GGT5: variants seen among roughly 807,000 people sequenced by gnomAD.
The protein encoded by GGT5 is glutathione hydrolase 5 proenzyme.
Under a neutral mutation model 58.1 loss-of-function variants are expected in GGT5, and 50 were observed. The ratio of observed to expected loss-of-function variants is 0.86; its 90% CI spans 0.69 to 1.09. The LOEUF is 1.09. Ranked by LOEUF, GGT5 falls within the 50% of genes least tolerant of loss-of-function variation. The pLI, the probability that GGT5 is intolerant of heterozygous loss-of-function variation, is 0.00. For synonymous variants in GGT5, 370 were observed against 346.1 expected, an observed-to-expected ratio of 1.07 and a Z score of -0.77; for missense variants, 800 against 789.4, an observed-to-expected ratio of 1.01 and a Z score of -0.16.
intron 2 of GGT5, 111 bp from the exon 3 acceptor site, chr22:24,233,704 A>G (rs1420183980): frequency 8.1e-6 from 7 of 863,984 alleles, no homozygotes; most frequent in Non-Finnish European, 1.3e-5. Flanking sequence ...GGGCTAACAC[A>G]GGGACAGGAG....
At chr22:24,228,063 AAAACAAAAC>A (rs764759753) in intron 6 of GGT5, among the ~76,000 whole-genome samples, 11,443 of 110,204 alleles carry the variant, frequency 0.1, 1,517 homozygotes, top group Non-Finnish European at 0.15. Context: ...AAAAAAAAAA[AAAACAAAAC>A]AAAAAAAAAA....
intron 1 of GGT5, among the ~76,000 whole-genome samples, chr22:24,235,026 C>T (rs1321187512): frequency 6.6e-6 from 1 of 150,502 alleles, no homozygotes; most frequent in Non-Finnish European, 1.5e-5. Flanking sequence ...GGAATCCTTC[C>T]TCCCCAGCAC....
rs1397197856 is a variant in GGT5, at chr22:24,225,048, A to G, written c.1562T>C (p.Ile521Thr). Residue 521 changes from isoleucine to threonine, a missense_variant, in exon 11 of 12, where the codon ATC becomes ACC. By Grantham distance (89) the Ile-to-Thr change is moderately conservative (BLOSUM62 -1). Coordinates refer to ENST00000327365, the MANE Select transcript of GGT5 (RefSeq NM_004121.5). ...ACAGCCCTTGCTGTTGACATGCAGG[A>G]TGGGGGCTGCAATGGCCGCTCTCAG... ...FDLRAAIAAP[I>T]LHVNSKGCVE... is the part of the protein sequence containing the mutation. 2.5e-6 allele frequency: 4 copies of G among 1,602,118 alleles called. No homozygotes were observed. Among genetic ancestry groups the G allele is most frequent in the Non-Finnish European group, 3.4e-6 (4 of 1,174,384 alleles).
intron 1 of GGT5, among the ~76,000 whole-genome samples, chr22:24,239,881 A>G (rs1351362955): frequency 6.6e-6 from 1 of 151,676 alleles, no homozygotes; most frequent in Non-Finnish European, 1.5e-5. Context: ...GAGGAGTTCA[A>G]GACCAGCCTG....
At chr22:24,231,339 T>C in intron 6 of GGT5, 45 bp downstream of exon 6, 3 of 949,798 alleles carry the variant, frequency 3.2e-6, no homozygotes, top group South Asian at 4.0e-5. Flanking sequence ...GGGCCGGGGG[T>C]GCGGGGGAGG....
Position 24,220,132 on chromosome 22 carries a change from A to T in GGT5, c.1615-16T>A. 6.2e-7 allele frequency: 1 copy of T among 1,613,482 alleles called. No individual in the cohort carries two copies. The highest frequency in any genetic ancestry group is 8.5e-7 in the Non-Finnish European group (1 of 1,179,626). ...TCTGCACCTCCTGGAGAGGAGAGAAAGCAGGTTCACAGGGGAGGGCAGCTC... is the reference window on the plus strand; with the variant it reads ...TCTGCACCTCCTGGAGAGGAGAGAATGCAGGTTCACAGGGGAGGGCAGCTC... On this transcript the variant is annotated splice_polypyrimidine_tract_variant and intron_variant, in intron 11 of 11. Transcript: ENST00000327365.
At chr22:24,226,332 G>T in intron 7 of GGT5, 66 bp from the exon 8 acceptor site, 1 of 1,323,572 alleles carries the variant, frequency 7.6e-7, no homozygotes, top group Non-Finnish European at 1.0e-6. Context: ...ACCAAGGGCA[G>T]GATGAGATCA....
chr22:24,225,932 G>A (rs1407645153), intron 8 of GGT5, 144 bp downstream of exon 8: 1 of 654,028 alleles, frequency 1.5e-6, no homozygotes, highest in Non-Finnish European at 2.6e-6. Context: ...CAGGGGTGGG[G>A]GCCTCTTTTG....
rs189133928 is a variant in GGT5, at chr22:24,227,107, T to C, written c.902-340A>G. Among the ~76,000 whole-genome samples, 219 of 151,794 alleles carry C rather than the reference T, an allele frequency of 1.4e-3. 2 individuals are homozygous for C. Among genetic ancestry groups the C allele is most frequent in the South Asian group, 1.0e-2 (48 of 4,810 alleles). On this transcript the variant is annotated intron_variant, in intron 6 of 11. Transcript: ENST00000327365. ...GAGACTACATGTGTTCGCCACCACG[T>C]ACAGCTAATTATTTTTGTATTTTTA...
chr22:24,230,372 GAAAA>G (rs948024670), intron 6 of GGT5, among the ~76,000 whole-genome samples: 24 of 77,466 alleles, frequency 3.1e-4, no homozygotes, highest in Admixed American at 2.9e-4. Context: ...TGTCTAAAAA[GAAAA>G]AAAAAAAAAA....
chr22:24,223,340 G>T (rs1454018688), intron 11 of GGT5, among the ~76,000 whole-genome samples: 3 of 152,154 alleles, frequency 2.0e-5, no homozygotes, highest in African/African-American at 7.2e-5. Context: ...AGCGGAGGTT[G>T]TGGTGAGGCA....
chr22:24,239,657 CA>C (rs2048276675), intron 1 of GGT5, among the ~76,000 whole-genome samples: 1 of 151,922 alleles, frequency 6.6e-6, no homozygotes, highest in African/African-American at 2.4e-5. Flanking sequence ...AATAAAAACA[CA>C]AAAAACACAC....
At position 24,244,721 on chromosome 22, in the gene GGT5, G is replaced by A. The variant is rs766161054; in HGVS notation, c.5C>T (p.Ala2Val). The A allele has an allele frequency of 6.2e-6, 10 of 1,608,400 alleles. No individual in the cohort carries two copies. Among genetic ancestry groups the A allele is most frequent in the Middle Eastern group, 3.9e-4 (2 of 5,110 alleles). Residue 2 changes from alanine (A) to valine (V), a missense_variant, in exon 1 of 12, where the codon GCC becomes GTC. Physicochemically the swap from Ala to Val is moderately conservative, Grantham distance 64 (BLOSUM62 0). Coordinates refer to ENST00000327365, the MANE Select transcript of GGT5 (RefSeq NM_004121.5). ...GCTGACCGTGGCCCCGTAGCCCCGG[G>A]CCATGGCTCTGCAGCCCAGGAGGAG... The part of the protein sequence containing the change: M[A>V]RGYGATVSLV...
intron 1 of GGT5, among the ~76,000 whole-genome samples, chr22:24,238,860 TATATAA>T (rs2048216508): frequency 2.1e-4 from 3 of 14,060 alleles, no homozygotes; most frequent in African/African-American, 8.0e-4. Flanking sequence ...ATATATTATA[TATATAA>T]TATATATAAT....
chr22:24,244,612 G>C lies in GGT5; in HGVS notation c.114C>G (p.Pro38=), dbSNP rs745463255. The C allele has an allele frequency of 1.2e-6, 2 of 1,612,756 alleles. No individual in the cohort carries two copies. Among genetic ancestry groups the C allele is most frequent in the South Asian group, 2.2e-5 (2 of 91,026 alleles). ...CAACAGCAGCGTGGGCAAAGGCCTG[G>C]GGGCCACATGGGGCCTGGTGTCGAG... ...VLSRHQAPCG[P]QAFAHAAVAA... The change falls in exon 1 of 12, where the codon CCC becomes CCG. Residue 38 remains proline (P), a synonymous_variant. Transcript: ENST00000327365.
At chr22:24,234,035 GCTCCCCTC>G in intron 1 of GGT5, 31 bp from the exon 2 acceptor site, 1 of 1,575,748 alleles carries the variant, frequency 6.3e-7, no homozygotes, top group Non-Finnish European at 8.6e-7. Flanking sequence ...TCGCTGTGGG[GCTCCCCTC>G]CCCCTGCCTC....
rs201616574 is a variant in GGT5, at chr22:24,225,219, A to G, written c.1503+26T>C. The G allele has an allele frequency of 3.2e-5, 52 of 1,609,784 alleles. No individual in the cohort carries two copies. The African/African-American group carries it at 5.3e-4, about 17-fold the overall frequency. Reference sequence around the variant, plus strand: ...ACAGTATGCTGCCCAGAGAGGAGACACTCGAGCCAGGAGCCCCAGACTCAC... The same window carrying G: ...ACAGTATGCTGCCCAGAGAGGAGACGCTCGAGCCAGGAGCCCCAGACTCAC... On this transcript the variant is annotated intron_variant, in intron 10 of 11. Coordinates refer to ENST00000327365, the MANE Select transcript of GGT5 (RefSeq NM_004121.5).
Position 24,227,403 on chromosome 22 carries a change from T to C in GGT5, c.902-636A>G, listed in dbSNP as rs564477792. On this transcript the variant is annotated intron_variant, in intron 6 of 11. Coordinates refer to ENST00000327365, the MANE Select transcript of GGT5 (RefSeq NM_004121.5). ...CTAGGACTTCAGGCACAGGCCATCATGCCCGGCTAATTTTTGTATTTTTAG... is the reference window on the plus strand; with the variant it reads ...CTAGGACTTCAGGCACAGGCCATCACGCCCGGCTAATTTTTGTATTTTTAG... Among the ~76,000 whole-genome samples the C allele has an allele frequency of 3.5e-4, 54 of 152,242 alleles. 1 individual carries two copies. In the South Asian group the frequency reaches 0.01, roughly 29 times the overall value.
intron 1 of GGT5, among the ~76,000 whole-genome samples, chr22:24,236,557 A>G (rs1280846356): frequency 6.6e-6 from 1 of 152,170 alleles, no homozygotes; most frequent in Non-Finnish European, 1.5e-5. Context: ...AGGTCAGGAG[A>G]TTGAGACCAT....
Sources: allele counts gnomAD v4.1 joint callset (sites outside exome capture counted in the v4.1 genomes callset), GRCh38; gene constraint gnomAD v4.1.1; transcripts MANE v1.5; gene names NCBI Gene and HGNC (gene_info 2026-07-23, HGNC 2026-07-21).